Variants in SUCLG2 observed in about 807,000 individuals in gnomAD.
SUCLG2 encodes succinate--CoA ligase [GDP-forming] subunit beta, mitochondrial.
In SUCLG2, 42 loss-of-function variants were observed where a neutral mutation model predicts 47.9. The ratio of observed to expected loss-of-function variants is 0.88; its 90% CI spans 0.69 to 1.14. The LOEUF is 1.14. Among genes scored for constraint, SUCLG2 ranks in the 50% most tolerant of loss-of-function variants. The pLI, the probability that SUCLG2 is intolerant of heterozygous loss-of-function variation, is 0.00. For missense variants in SUCLG2, 571 were observed against 525.9 expected (o/e 1.09, Z -0.84); for synonymous variants, 195 against 197.3 (o/e 0.99, Z 0.10).
intron 2 of SUCLG2, among the ~76,000 whole-genome samples, chr3:67,545,114 T>C (rs1327863443): frequency 2.0e-5 from 3 of 152,184 alleles, no homozygotes; most frequent in Admixed American, 6.5e-5. Context: ...GTGAGATTCA[T>C]ACTAAGCATT....
At chr3:67,645,540 T>C (rs1225971803) in intron 1 of SUCLG2, among the ~76,000 whole-genome samples, 2 of 152,162 alleles carry the variant, frequency 1.3e-5, no homozygotes, top group Non-Finnish European at 2.9e-5. Context: ...ATGTGCCAAA[T>C]AGCACGTATA....
intron 2 of SUCLG2, among the ~76,000 whole-genome samples, chr3:67,566,514 G>T (rs774085521): frequency 9.2e-5 from 14 of 152,064 alleles, no homozygotes; most frequent in Non-Finnish European, 1.8e-4. Flanking sequence ...ACTTAAAGGA[G>T]TTTCAACTTT....
At chr3:67,443,630 A>C (rs1259756812) in intron 9 of SUCLG2, among the ~76,000 whole-genome samples, 2 of 65,758 alleles carry the variant, frequency 3.0e-5, no homozygotes, top group Non-Finnish European at 6.8e-5. Flanking sequence ...AGCCGCCATC[A>C]CATCTAGGAA....
chr3:67,602,733 A>G (rs1369516687), intron 2 of SUCLG2, among the ~76,000 whole-genome samples: 2 of 152,210 alleles, frequency 1.3e-5, no homozygotes, highest in Non-Finnish European at 2.9e-5. Flanking sequence ...GCAAGCGAGC[A>G]TGAGCAAGTG....
intron 2 of SUCLG2, among the ~76,000 whole-genome samples, chr3:67,541,830 C>G (rs1019466254): frequency 3.3e-5 from 5 of 151,898 alleles, no homozygotes; most frequent in Non-Finnish European, 1.5e-5. Context: ...TGCAGAAACC[C>G]TGTAAGCTAG....
intron 2 of SUCLG2, among the ~76,000 whole-genome samples, chr3:67,559,354 C>A (rs926139550): frequency 6.6e-6 from 1 of 152,170 alleles, no homozygotes; most frequent in Admixed American, 6.5e-5. Flanking sequence ...CACTGTTCCG[C>A]ATGGCTGGGG....
At chr3:67,479,035 C>T (rs1462715862) in intron 9 of SUCLG2, among the ~76,000 whole-genome samples, 2 of 152,198 alleles carry the variant, frequency 1.3e-5, no homozygotes, top group African/African-American at 4.8e-5. Flanking sequence ...TAGCTCAAGT[C>T]ATGTCTTCTC....
At chr3:67,453,966 T>G (rs890455961) in intron 9 of SUCLG2, among the ~76,000 whole-genome samples, 1 of 152,260 alleles carries the variant, frequency 6.6e-6, no homozygotes, top group Admixed American at 6.5e-5. Context: ...TGTGTATGTG[T>G]GTGCAAATGG....
At chr3:67,581,655 A>G (rs1707880688) in intron 2 of SUCLG2, among the ~76,000 whole-genome samples, 2 of 152,226 alleles carry the variant, frequency 1.3e-5, no homozygotes, top group Non-Finnish European at 2.9e-5. Flanking sequence ...GAAAACAAAG[A>G]CAAAAGAATG....
chr3:67,419,860 C>G (rs1703115718), intron 9 of SUCLG2, among the ~76,000 whole-genome samples: 1 of 152,086 alleles, frequency 6.6e-6, no homozygotes, highest in African/African-American at 2.4e-5. Flanking sequence ...AAATGAGAAG[C>G]TGAAAATCAA....
At chr3:67,404,026 C>T (rs949029488) in intron 9 of SUCLG2, among the ~76,000 whole-genome samples, 2 of 152,204 alleles carry the variant, frequency 1.3e-5, no homozygotes, top group African/African-American at 4.8e-5. Context: ...GCTGGGACTA[C>T]AGGCAGCTGC....
At chr3:67,598,542 C>A (rs1285309033) in intron 2 of SUCLG2, among the ~76,000 whole-genome samples, 1 of 152,150 alleles carries the variant, frequency 6.6e-6, no homozygotes. Flanking sequence ...AATCTTGAAA[C>A]CTGTCCAGAT....
chr3:67,498,249 G>A lies in SUCLG2; in HGVS notation c.804C>T (p.Phe268=), dbSNP rs1430831861. Residue 268 remains phenylalanine, a synonymous_variant, in exon 8 of 11, where the codon TTC becomes TTT. Transcript: ENST00000307227. ...CCATAGCAAATATGTCTTTTTGTCG[G>A]AATTCTGCGTTGTCATCAAAGTTTA... ...AKINFDDNAE[F]RQKDIFAMDD... is the part of the protein sequence containing the mutation. 4 of 1,613,824 alleles carry A rather than the reference G, an allele frequency of 2.5e-6. No homozygotes were observed. In the East Asian group the frequency reaches 8.9e-5, roughly 36 times the overall value.
At chr3:67,644,204 A>G (rs1701152648) in intron 1 of SUCLG2, among the ~76,000 whole-genome samples, 1 of 152,220 alleles carries the variant, frequency 6.6e-6, no homozygotes, top group African/African-American at 2.4e-5. Context: ...AGCATTATTC[A>G]CATAGCCAAA....
chr3:67,645,497 C>T (rs1263392386), intron 1 of SUCLG2, among the ~76,000 whole-genome samples: 1 of 152,176 alleles, frequency 6.6e-6, no homozygotes, highest in Non-Finnish European at 1.5e-5. Flanking sequence ...CTGTTTACAA[C>T]TTCACCATCT....
At chr3:67,535,587 T>C (rs1706518201) in intron 2 of SUCLG2, among the ~76,000 whole-genome samples, 1 of 151,940 alleles carries the variant, frequency 6.6e-6, no homozygotes, top group South Asian at 2.1e-4. Flanking sequence ...AAAATTAAAT[T>C]TAAAAATAAA....
At chr3:67,390,455 T>C (rs1297314662) in intron 10 of SUCLG2, among the ~76,000 whole-genome samples, 4 of 152,354 alleles carry the variant, frequency 2.6e-5, no homozygotes, top group South Asian at 4.1e-4. Flanking sequence ...AGGATTATTC[T>C]CCTCTTTGAA....
At chr3:67,584,434 A>G (rs553832260) in intron 2 of SUCLG2, among the ~76,000 whole-genome samples, 77 of 152,298 alleles carry the variant, frequency 5.1e-4, no homozygotes, top group African/African-American at 1.8e-3. Flanking sequence ...GGAGGATGAA[A>G]TGTTTTAAAA....
intron 10 of SUCLG2, among the ~76,000 whole-genome samples, chr3:67,396,923 A>G (rs1207172149): frequency 2.0e-5 from 3 of 152,118 alleles, no homozygotes; most frequent in Non-Finnish European, 4.4e-5. Context: ...GACAAAAACC[A>G]CATGATTATC....
Sources: allele counts gnomAD v4.1 joint callset (sites outside exome capture counted in the v4.1 genomes callset), GRCh38; gene constraint gnomAD v4.1.1; transcripts MANE v1.5; gene names NCBI Gene and HGNC (gene_info 2026-07-23, HGNC 2026-07-21).